Variants in CELF2 observed in about 807,000 individuals in gnomAD.
CELF2 encodes the protein CUGBP Elav-like family member 2.
A neutral mutation model predicts 62.6 loss-of-function variants in CELF2; 8 were observed. The observed-to-expected ratio is 0.13, with a 90% CI of 0.07 to 0.23. The LOEUF (loss-of-function observed/expected upper bound fraction) is 0.23. CELF2 is among the 10% of genes least tolerant of loss of function. The pLI is 1.00. For synonymous variants in CELF2, 258 were observed against 250.0 expected (o/e 1.03, Z -0.30); for missense variants, 333 against 671.0 (o/e 0.50, Z 5.56).
intron 1 of CELF2, among the ~76,000 whole-genome samples, chr10:10,896,363 G>T (rs2062554888): frequency 6.6e-6 from 1 of 152,044 alleles, no homozygotes; most frequent in South Asian, 2.1e-4. Flanking sequence ...AATATAAACA[G>T]GTTAAAAAGG....
chr10:10,484,695 G>C, the CELF2 span, among the ~76,000 whole-genome samples: 4 of 151,964 alleles, frequency 2.6e-5, no homozygotes, highest in Admixed American at 6.6e-5. Flanking sequence ...ATGTGGAGCT[G>C]GTCATGTGTG....
the CELF2 span, among the ~76,000 whole-genome samples, chr10:10,585,126 A>G: frequency 6.6e-6 from 1 of 152,190 alleles, no homozygotes; most frequent in African/African-American, 2.4e-5. Context: ...CTGGAAGCAA[A>G]TGAATATTCT....
chr10:10,598,093 T>C, the CELF2 span, among the ~76,000 whole-genome samples: 1 of 152,200 alleles, frequency 6.6e-6, no homozygotes, highest in Non-Finnish European at 1.5e-5. Context: ...CTTTCTCCTA[T>C]ATTTATATGA....
At chr10:11,149,254 G>A (rs1246496811) in intron 1 of CELF2, among the ~76,000 whole-genome samples, 1 of 152,098 alleles carries the variant, frequency 6.6e-6, no homozygotes, top group Non-Finnish European at 1.5e-5. Context: ...TATTTTTAGT[G>A]GAGACAGGGT....
intron 1 of CELF2, among the ~76,000 whole-genome samples, chr10:11,091,788 C>G (rs1048163094): frequency 1.3e-5 from 2 of 152,170 alleles, no homozygotes; most frequent in African/African-American, 4.8e-5. Context: ...CATGAACTTA[C>G]CACTGTCAAA....
At chr10:10,663,798 T>C in the CELF2 span, among the ~76,000 whole-genome samples, 1 of 152,204 alleles carries the variant, frequency 6.6e-6, no homozygotes, top group Non-Finnish European at 1.5e-5. Context: ...TATTATTACA[T>C]TTCTAACTCA....
At chr10:10,810,537 T>C (rs1466484004) in intron 1 of CELF2, among the ~76,000 whole-genome samples, 1 of 151,960 alleles carries the variant, frequency 6.6e-6, no homozygotes, top group Non-Finnish European at 1.5e-5. Flanking sequence ...TGTCAGTAAT[T>C]GAGTGGCTGG....
intron 1 of CELF2, among the ~76,000 whole-genome samples, chr10:11,158,953 C>T (rs1489369887): frequency 1.3e-5 from 2 of 152,126 alleles, no homozygotes; most frequent in Non-Finnish European, 2.9e-5. Context: ...TAAGGTAATA[C>T]GTGTGTATGT....
At chr10:10,481,278 A>G in the CELF2 span, among the ~76,000 whole-genome samples, 3 of 152,110 alleles carry the variant, frequency 2.0e-5, no homozygotes, top group Non-Finnish European at 2.9e-5. Context: ...GTTTATTTGC[A>G]TGCTTAATTA....
chr10:10,564,674 G>T, the CELF2 span, among the ~76,000 whole-genome samples: 1 of 64,284 alleles, frequency 1.6e-5, no homozygotes, highest in Non-Finnish European at 3.1e-5. Flanking sequence ...ACACACACAC[G>T]CACACACGCA....
intron 1 of CELF2, among the ~76,000 whole-genome samples, chr10:11,055,603 G>A (rs903275071): frequency 2.0e-5 from 3 of 152,182 alleles, no homozygotes; most frequent in Non-Finnish European, 2.9e-5. Context: ...TTTAAGATTC[G>A]TTCTAAACCT....
At chr10:10,664,279 A>C in the CELF2 span, among the ~76,000 whole-genome samples, 18 of 152,346 alleles carry the variant, frequency 1.2e-4, no homozygotes, top group African/African-American at 4.1e-4. Context: ...TACTCAGTTC[A>C]AATATTCATT....
intron 1 of CELF2, among the ~76,000 whole-genome samples, chr10:11,021,931 A>T (rs2058379724): frequency 6.6e-6 from 1 of 152,208 alleles, no homozygotes; most frequent in African/African-American, 2.4e-5. Flanking sequence ...TTTGATTCCA[A>T]TTCGGTTATT....
chr10:10,730,867 G>A, the CELF2 span, among the ~76,000 whole-genome samples: 2 of 152,204 alleles, frequency 1.3e-5, no homozygotes, highest in East Asian at 1.9e-4. Context: ...CAGCTCCCCA[G>A]TCAGCCTCAC....
intron 1 of CELF2, among the ~76,000 whole-genome samples, chr10:11,061,064 G>A (rs753212942): frequency 6.6e-6 from 1 of 152,190 alleles, no homozygotes; most frequent in African/African-American, 2.4e-5. Flanking sequence ...ATTAATTAAA[G>A]CTCAGTGAGA....
chr10:10,526,911 C>A, the CELF2 span, among the ~76,000 whole-genome samples: 4 of 152,204 alleles, frequency 2.6e-5, no homozygotes, highest in African/African-American at 9.7e-5. Context: ...GGAAGTCCTA[C>A]CCTTGGACCA....
chr10:10,981,845 C>T (rs890340748), intron 2 of CELF2, among the ~76,000 whole-genome samples: 2 of 152,048 alleles, frequency 1.3e-5, no homozygotes, highest in South Asian at 2.1e-4. Context: ...ATGAGAAAAC[C>T]GAGGCTTAGA....
chr10:10,869,940 C>T (rs2133350359), intron 1 of CELF2, among the ~76,000 whole-genome samples: 1 of 152,012 alleles, frequency 6.6e-6, no homozygotes, highest in East Asian at 1.9e-4. Context: ...AGTGAGACCT[C>T]ATCTCAAAAA....
At chr10:10,772,104 A>G in the CELF2 span, among the ~76,000 whole-genome samples, 1 of 152,164 alleles carries the variant, frequency 6.6e-6, no homozygotes, top group Non-Finnish European at 1.5e-5. Context: ...AGTTTGATTT[A>G]GAGGAAAAAA....
Sources: allele counts gnomAD v4.1 joint callset (sites outside exome capture counted in the v4.1 genomes callset), GRCh38; gene constraint gnomAD v4.1.1; transcripts MANE v1.5; gene names NCBI Gene and HGNC (gene_info 2026-07-23, HGNC 2026-07-21).